Variants in MAPK4 observed in about 807,000 individuals in gnomAD.
MAPK4 encodes mitogen-activated protein kinase 4, also known as Erk3-related.
Under a neutral mutation model 47.7 loss-of-function variants are expected in MAPK4, and 22 were observed. That is an observed-to-expected ratio of 0.46 (90% CI 0.33 to 0.66). The LOEUF is 0.66. Among genes scored for constraint, MAPK4 ranks in the 30% least tolerant of loss-of-function variants. MAPK4 has a pLI of 0.02. For synonymous variants in MAPK4, 390 were observed against 365.7 expected (o/e 1.07, Z -0.76); for missense variants, 736 against 831.7 (o/e 0.88, Z 1.42).
intron 1 of MAPK4, among the ~76,000 whole-genome samples, chr18:50,616,723 T>A (rs2042688048): frequency 6.6e-6 from 1 of 152,150 alleles, no homozygotes; most frequent in African/African-American, 2.4e-5. Flanking sequence ...GAGTCTGATG[T>A]TCAAGGGCAG....
chr18:50,577,556 T>C (rs193237138), intron 1 of MAPK4, among the ~76,000 whole-genome samples: 1 of 152,304 alleles, frequency 6.6e-6, no homozygotes, highest in Non-Finnish European at 1.5e-5. Context: ...CAATCCCCTG[T>C]GTTAACCAGC....
In MAPK4 at chr18:50,729,639, C is replaced by A. The variant is rs1370111019; in HGVS notation, c.1549C>A (p.Arg517Ser). ...ASPPADDPER[R>S]LSASPPGRPA... is the part of the protein sequence containing the mutation. ...CCCGCCCGCCGACGACCCCGAGCGC[C>A]GCTTGTCTGCCTCGCCCCCCGGCCG... The change falls in exon 6 of 6, where the codon CGC (arginine) becomes AGC (serine). Residue 517 changes from arginine (R) to serine (S), a missense_variant. Arg to Ser is a moderately radical substitution (Grantham distance 110, BLOSUM62 -1). Coordinates refer to ENST00000400384, the MANE Select transcript of MAPK4 (RefSeq NM_002747.4). The A allele has an allele frequency of 2.0e-6, 3 of 1,484,268 alleles. No homozygotes were observed. Among genetic ancestry groups the A allele is most frequent in the Non-Finnish European group, 2.7e-6 (3 of 1,115,162 alleles). 91.9% of individuals were successfully genotyped at this position (1,484,268 alleles called of 1,614,324 possible). A position where few individuals can be genotyped will look rare whatever the true frequency, so the allele number is the denominator to read the frequency against.
chr18:50,693,125 G>A (rs527510755), intron 2 of MAPK4, among the ~76,000 whole-genome samples: 67 of 152,212 alleles, frequency 4.4e-4, no homozygotes, highest in African/African-American at 1.5e-3. Flanking sequence ...CTGGCATGGT[G>A]GCGCATGCCT....
intron 1 of MAPK4, among the ~76,000 whole-genome samples, chr18:50,628,724 C>G (rs765544987): frequency 1.3e-4 from 20 of 152,056 alleles, no homozygotes; most frequent in Non-Finnish European, 2.5e-4. Context: ...CCGACCTCTC[C>G]TCTCCCACCC....
At chr18:50,724,797 G>C (rs3794902) in intron 4 of MAPK4, among the ~76,000 whole-genome samples, 26,163 of 152,212 alleles carry the variant, frequency 0.17, 2,396 homozygotes, top group East Asian at 0.27. Flanking sequence ...TGAGGCCCAC[G>C]AGGGAGCTCC....
At chr18:50,702,093 C>T (rs113176860) in intron 2 of MAPK4, among the ~76,000 whole-genome samples, 155 of 127,700 alleles carry the variant, frequency 1.2e-3, no homozygotes, top group African/African-American at 4.4e-3. Context: ...GCCCAGGAGG[C>T]GGAGGTTGCA....
intron 1 of MAPK4, among the ~76,000 whole-genome samples, chr18:50,592,546 T>G (rs2042446529): frequency 6.6e-6 from 1 of 152,148 alleles, no homozygotes; most frequent in Admixed American, 6.5e-5. Context: ...GTGTCTGTCT[T>G]CTTTCTTTCT....
At chr18:50,699,439 A>G (rs7238170) in intron 2 of MAPK4, among the ~76,000 whole-genome samples, 46,481 of 152,156 alleles carry the variant, frequency 0.31, 7,297 homozygotes, top group Non-Finnish European at 0.34. Context: ...TCGTTTAAAT[A>G]AAACTCAACC....
At chr18:50,707,648 C>T (rs1568090439) in intron 2 of MAPK4, among the ~76,000 whole-genome samples, 1 of 151,628 alleles carries the variant, frequency 6.6e-6, no homozygotes, top group Admixed American at 6.6e-5. Context: ...TACTTAATGC[C>T]ACTGAACCGT....
At chr18:50,696,966 T>C (rs1480144311) in intron 2 of MAPK4, among the ~76,000 whole-genome samples, 1 of 152,052 alleles carries the variant, frequency 6.6e-6, no homozygotes, top group Non-Finnish European at 1.5e-5. Context: ...ACTTGGGTCC[T>C]GAAAGAGGCA....
At chr18:50,615,289 A>T (rs931473694) in intron 1 of MAPK4, among the ~76,000 whole-genome samples, 1 of 152,118 alleles carries the variant, frequency 6.6e-6, no homozygotes, top group Non-Finnish European at 1.5e-5. Flanking sequence ...GCAGCCCCGA[A>T]TATTAGTTGT....
chr18:50,698,904 A>G (rs765302379), intron 2 of MAPK4, among the ~76,000 whole-genome samples: 3 of 152,170 alleles, frequency 2.0e-5, no homozygotes, highest in Admixed American at 6.5e-5. Flanking sequence ...GCACACCTGT[A>G]ATCCCCGCTA....
intron 1 of MAPK4, among the ~76,000 whole-genome samples, chr18:50,575,519 A>G (rs1325687274): frequency 1.3e-5 from 2 of 152,186 alleles, no homozygotes; most frequent in Non-Finnish European, 1.5e-5. Context: ...GAAGTCACCC[A>G]AAGGAGAGAC....
At chr18:50,584,587 G>C (rs2042373681) in intron 1 of MAPK4, among the ~76,000 whole-genome samples, 1 of 152,172 alleles carries the variant, frequency 6.6e-6, no homozygotes, top group South Asian at 2.1e-4. Context: ...CCCAACTCTT[G>C]CTAGCCACCT....
intron 1 of MAPK4, among the ~76,000 whole-genome samples, chr18:50,590,433 A>G (rs1359885260): frequency 6.6e-6 from 1 of 152,194 alleles, no homozygotes; most frequent in Non-Finnish European, 1.5e-5. Context: ...TAGGAGAGAG[A>G]TAAGTCCAGC....
At chr18:50,675,913 G>C (rs1908244759) in intron 2 of MAPK4, among the ~76,000 whole-genome samples, 1 of 152,206 alleles carries the variant, frequency 6.6e-6, no homozygotes. Context: ...AGGCATGGCA[G>C]ACCCTTTCTT....
chr18:50,633,730 G>A (rs1226781990), intron 1 of MAPK4, among the ~76,000 whole-genome samples: 1 of 152,194 alleles, frequency 6.6e-6, no homozygotes, highest in Non-Finnish European at 1.5e-5. Flanking sequence ...GGAGGGCAGG[G>A]ACTCCATCTG....
chr18:50,695,535 G>T (rs1336720883), intron 2 of MAPK4, among the ~76,000 whole-genome samples: 1 of 152,036 alleles, frequency 6.6e-6, no homozygotes, highest in East Asian at 1.9e-4. Context: ...CCGAGGACAG[G>T]GCGCTTGACG....
chr18:50,585,982 G>T (rs146417785), intron 1 of MAPK4, among the ~76,000 whole-genome samples: 2 of 152,122 alleles, frequency 1.3e-5, no homozygotes, highest in Non-Finnish European at 2.9e-5. Context: ...GGGATTATGG[G>T]AGCTACAATT....
Sources: allele counts gnomAD v4.1 joint callset (sites outside exome capture counted in the v4.1 genomes callset), GRCh38; gene constraint gnomAD v4.1.1; transcripts MANE v1.5; gene names NCBI Gene and HGNC (gene_info 2026-07-23, HGNC 2026-07-21).